Variants in JOSD2 observed in about 807,000 individuals in gnomAD.
The protein encoded by JOSD2 is Josephin domain containing 2, also known as josephin-2.
Under a neutral mutation model 19.3 loss-of-function variants are expected in JOSD2, and 20 were observed. The observed-to-expected ratio is 1.04, with a 90% CI of 0.73 to 1.51. The LOEUF (loss-of-function observed/expected upper bound fraction) is 1.51, where lower values mean the gene tolerates loss of function less well. JOSD2 is among the 40% of genes most tolerant of loss of function. The pLI, the probability that JOSD2 is intolerant of heterozygous loss-of-function variation, is 0.00. For missense variants in JOSD2, 215 were observed against 250.4 expected (o/e 0.86, Z 0.95); for synonymous variants, 118 against 123.7 (o/e 0.95, Z 0.31).
chr19:50,511,128 C>T lies in JOSD2; in HGVS notation c.-29G>A, dbSNP rs550442048. ...GCAACGCCCCTCACCCCGCCTGCCTCTCCGCTCCACCGAGCCAGGGGTTTC... is the reference window on the plus strand; with the variant it reads ...GCAACGCCCCTCACCCCGCCTGCCTTTCCGCTCCACCGAGCCAGGGGTTTC... On this transcript the variant is annotated 5_prime_UTR_variant, in exon 1 of 5. Transcript: ENST00000598418. The T allele has an allele frequency of 7.2e-4, 325 of 452,622 alleles. No individual in the cohort carries two copies. Among genetic ancestry groups the T allele is most frequent in the African/African-American group, 5.9e-3 (291 of 49,664 alleles). 28.0% of individuals were successfully genotyped at this position (452,622 alleles called of 1,614,324 possible). A position where few individuals can be genotyped will look rare whatever the true frequency, so the allele number is the denominator to read the frequency against.
chr19:50,506,910 C>A (rs887365650), intron 3 of JOSD2, among the ~76,000 whole-genome samples: 1 of 150,736 alleles, frequency 6.6e-6, no homozygotes, highest in African/African-American at 2.4e-5. Flanking sequence ...CACACAGCCA[C>A]CCAGGATCCA....
At chr19:50,508,478 T>C (rs1979518493) in intron 2 of JOSD2, among the ~76,000 whole-genome samples, 1 of 151,950 alleles carries the variant, frequency 6.6e-6, no homozygotes, top group African/African-American at 2.4e-5. Flanking sequence ...TGGCCTCACC[T>C]CAGAGCCTCA....
At chr19:50,508,332 G>A (rs1979510374) in intron 2 of JOSD2, among the ~76,000 whole-genome samples, 3 of 152,186 alleles carry the variant, frequency 2.0e-5, no homozygotes, top group Admixed American at 2.0e-4. Flanking sequence ...GATGACAGCT[G>A]CCCGCATCAC....
In JOSD2 at chr19:50,507,790, C is replaced by A. The variant is rs573803775; in HGVS notation, c.147-91G>T. The stretch of plus-strand genomic sequence containing the variant: ...TCCCAGGGGCCACAAGTTGCCTCAG[C>A]CTTTGACTCTCCCCGCTTCAGACCC... On this transcript the variant is annotated intron_variant, in intron 2 of 4. Coordinates refer to ENST00000598418, the MANE Select transcript of JOSD2 (RefSeq NM_001270639.2). The A allele has an allele frequency of 1.9e-5, 28 of 1,483,428 alleles. No homozygotes were observed. In the South Asian group the frequency reaches 3.3e-4, roughly 17 times the overall value. The allele number at this position is 1,483,428 out of a possible 1,614,324, so 91.9% of individuals were successfully genotyped here.
chr19:50,510,797 C>T (rs1208769332), intron 1 of JOSD2, among the ~76,000 whole-genome samples: 1 of 152,002 alleles, frequency 6.6e-6, no homozygotes, highest in Admixed American at 6.6e-5. Context: ...AGCAACAAAG[C>T]CCCCTCCCCA....
Position 50,510,425 on chromosome 19 carries a change from G to A in JOSD2, c.7C>T (p.Gln3Ter), listed in dbSNP as rs1222737516. 1 of 1,607,736 alleles carries A rather than the reference G, an allele frequency of 6.2e-7. No individual in the cohort carries two copies. The highest frequency in any genetic ancestry group is 1.1e-5 in the South Asian group (1 of 90,986). Residue 3 changes from glutamine to a stop codon, truncating the protein, a stop_gained, in exon 2 of 5, where the codon CAG becomes TAG. Coordinates refer to ENST00000598418, the MANE Select transcript of JOSD2 (RefSeq NM_001270639.2). LOFTEE classifies it high-confidence loss of function. ...GGGCTCGGCTGTGCTCCCGGGGCCT[G>A]GGACATGCCGTCCTCGGCTCCTGCT... is the stretch of plus-strand genomic sequence containing the variant. MS[Q>*]APGAQPSPPT...
At chr19:50,510,172 G>T in intron 2 of JOSD2, 114 bp downstream of exon 2, 1 of 1,276,328 alleles carries the variant, frequency 7.8e-7, no homozygotes, top group African/African-American at 1.5e-5. Context: ...TTAGGCAAGT[G>T]AGCGCGGAGC....
At chr19:50,510,061 A>AAAAAAAAAAG in intron 2 of JOSD2, 1 of 453,844 alleles carries the variant, frequency 2.2e-6, no homozygotes, top group Non-Finnish European at 3.9e-6. Context: ...CAAAAAAAAA[A>AAAAAAAAAAG]AAAAAAGAAA....
In JOSD2 at chr19:50,509,966, T is replaced by C. The variant is rs532564272; in HGVS notation, c.146+320A>G. 1.2e-4 allele frequency among the ~76,000 whole-genome samples: 17 copies of C among 142,108 alleles called. No homozygotes were observed. In the South Asian group the frequency reaches 3.6e-3, roughly 30 times the overall value. The allele number at this position is 142,108 out of a possible 152,430, so 93.2% of individuals were successfully genotyped here. Reference sequence around the variant, plus strand: ...TACTCGGGAGGCTGAGGCAGGAGAATGGCATGAACCCGGGAGGCCGAGCTC... The same window carrying C: ...TACTCGGGAGGCTGAGGCAGGAGAACGGCATGAACCCGGGAGGCCGAGCTC... On this transcript the variant is annotated intron_variant, in intron 2 of 4. Coordinates refer to ENST00000598418, the MANE Select transcript of JOSD2 (RefSeq NM_001270639.2).
rs779667283 is a variant in JOSD2 at position 50,506,434 on chromosome 19, G to T, written c.411C>A (p.Tyr137Ter). Residue 137 changes from tyrosine to a stop codon, truncating the protein, a stop_gained, in exon 4 of 5, where the codon TAC becomes TAA. Transcript: ENST00000598418. LOFTEE classifies it high-confidence loss of function. ...VALRQVDGVY[Y>*]NLDSKLRAPE... ...GCGCCCGCAGCTTGGAGTCCAGGTT[G>T]TAGTAGACACCGTCCACCTGGCGCA... 2 of 1,602,966 alleles carry T rather than the reference G, an allele frequency of 1.2e-6. No homozygotes were observed. The highest frequency in any genetic ancestry group is 1.7e-6 in the Non-Finnish European group (2 of 1,175,602).
intron 2 of JOSD2, chr19:50,510,066 AAG>A: frequency 2.1e-6 from 1 of 472,940 alleles, no homozygotes; most frequent in African/African-American, 2.1e-5. Flanking sequence ...AAAAAAAAAA[AAG>A]AAAGAACCAC....
intron 3 of JOSD2, among the ~76,000 whole-genome samples, chr19:50,507,069 A>C: frequency 3.1e-5 from 4 of 130,198 alleles, no homozygotes; most frequent in South Asian, 2.7e-4. Context: ...CACCATCACC[A>C]TCCAACTAGC....
chr19:50,507,939 CCT>C (rs1393814334), intron 2 of JOSD2: 2 of 581,546 alleles, frequency 3.4e-6, no homozygotes, highest in Non-Finnish European at 3.0e-6. Context: ...CCGACTCTGC[CCT>C]GTCCCCAAGT....
At chr19:50,510,064 A>AAAAAAAAAAG in intron 2 of JOSD2, 2 of 464,220 alleles carry the variant, frequency 4.3e-6, no homozygotes, top group Non-Finnish European at 7.7e-6. Context: ...AAAAAAAAAA[A>AAAAAAAAAAG]AAAGAAAGAA....
At chr19:50,509,570 C>G (rs142863981) in intron 2 of JOSD2, among the ~76,000 whole-genome samples, 2 of 152,112 alleles carry the variant, frequency 1.3e-5, no homozygotes, top group East Asian at 3.9e-4. Flanking sequence ...GAGGCAGGCT[C>G]GGCCTCCGCT....
In JOSD2 at chr19:50,507,557, G is replaced by A; in HGVS notation, c.272+17C>T. The A allele has an allele frequency of 6.3e-7, 1 of 1,597,964 alleles. No individual in the cohort carries two copies. Among genetic ancestry groups the A allele is most frequent in the South Asian group, 1.1e-5 (1 of 90,542 alleles). ...CTGTGCCCGGCCCAGCACATGCTGT[G>A]CTGCTCTGGGGCCTACCTCCTCCTG... On this transcript the variant is annotated intron_variant, in intron 3 of 4. Transcript: ENST00000598418.
At chr19:50,510,514 G>C (rs544624295) in intron 1 of JOSD2, 66 bp from the exon 2 acceptor site, 10 of 1,433,472 alleles carry the variant, frequency 7.0e-6, no homozygotes, top group East Asian at 4.6e-5. Flanking sequence ...CTCCCAGCAG[G>C]CCTTTGGGGC....
chr19:50,510,774 T>G (rs1360305299), intron 1 of JOSD2, among the ~76,000 whole-genome samples: 1 of 151,686 alleles, frequency 6.6e-6, no homozygotes, highest in African/African-American at 2.4e-5. Flanking sequence ...ACCAGGGCGC[T>G]CTGTGGTTAC....
rs201074779 is a variant in JOSD2 at position 50,506,411 on chromosome 19, G to A, written c.434C>T (p.Ala145Val). The change falls in exon 4 of 5, where the codon GCG (alanine) becomes GTG (valine). Residue 145 changes from alanine to valine, a missense_variant. Ala to Val is a moderately conservative substitution (Grantham distance 64). Coordinates refer to ENST00000598418, the MANE Select transcript of JOSD2 (RefSeq NM_001270639.2). The stretch of plus-strand genomic sequence containing the variant: ...GTCCTCATCCCCCAGGGCCTCGGGC[G>A]CCCGCAGCTTGGAGTCCAGGTTGTA... ...VYYNLDSKLR[A>V]PEALGDEDGV... The A allele has an allele frequency of 9.0e-5, 145 of 1,605,112 alleles. No individual in the cohort carries two copies. The highest frequency in any genetic ancestry group is 7.8e-4 in the South Asian group (70 of 89,990).
Sources: allele counts gnomAD v4.1 joint callset (sites outside exome capture counted in the v4.1 genomes callset), GRCh38; gene constraint gnomAD v4.1.1; transcripts MANE v1.5; gene names NCBI Gene and HGNC (gene_info 2026-07-23, HGNC 2026-07-21).